The following DLGAP1 variants were observed in gnomAD, a reference collection of about 807,000 sequenced individuals.
DLGAP1 encodes DLG associated protein 1.
Under a neutral mutation model 90.8 loss-of-function variants are expected in DLGAP1, and 11 were observed. The observed-to-expected ratio is 0.12, with a 90% confidence interval of 0.08 to 0.20. DLGAP1 has a LOEUF of 0.20. Among genes scored for constraint, DLGAP1 ranks in the 10% least tolerant of loss-of-function variants. The probability of loss-of-function intolerance (pLI) is 1.00; values close to 1 mark genes in which losing one functional copy is unlikely to be tolerated. For missense variants in DLGAP1, 1,050 were observed against 1,333.8 expected (o/e 0.79, Z 3.31); for synonymous variants, 558 against 540.7 (o/e 1.03, Z -0.44).
intron 1 of DLGAP1, among the ~76,000 whole-genome samples, chr18:4,211,352 A>G (rs1225892322): frequency 6.6e-6 from 1 of 152,204 alleles, no homozygotes; most frequent in African/African-American, 2.4e-5. Context: ...GACCAACATG[A>G]TAGTGTTACT....
chr18:3,867,124 T>C (rs749801402), intron 4 of DLGAP1, among the ~76,000 whole-genome samples: 3 of 152,172 alleles, frequency 2.0e-5, no homozygotes, highest in Admixed American at 1.3e-4. Context: ...AGTGCTGGGA[T>C]TACAGGTGTG....
At chr18:4,108,614 T>G in intron 2 of DLGAP1, among the ~76,000 whole-genome samples, 1 of 145,178 alleles carries the variant, frequency 6.9e-6, no homozygotes, top group Non-Finnish European at 1.5e-5. Flanking sequence ...AATAAATTAT[T>G]TGTATATATG....
At chr18:4,060,366 T>C (rs2075281995) in intron 2 of DLGAP1, among the ~76,000 whole-genome samples, 1 of 152,180 alleles carries the variant, frequency 6.6e-6, no homozygotes. Context: ...TGCTTTAGGG[T>C]AAAAATATAC....
At chr18:3,733,416 T>C (rs1296038323) in intron 6 of DLGAP1, among the ~76,000 whole-genome samples, 1 of 152,318 alleles carries the variant, frequency 6.6e-6, no homozygotes, top group South Asian at 2.1e-4. Context: ...TGATATGTGG[T>C]ATAGTATTCT....
rs973298430 is a variant in DLGAP1, at chr18:3,498,963, G to C, written c.*222C>G. ...GCAGGGCGACGGCATCAGGACAGGGGGCGAAGCTCGGTGAAGAAGGAGATG... is the reference window on the plus strand; with the variant it reads ...GCAGGGCGACGGCATCAGGACAGGGCGCGAAGCTCGGTGAAGAAGGAGATG... On this transcript the variant is annotated 3_prime_UTR_variant, in exon 13 of 13. Coordinates refer to ENST00000315677, the MANE Select transcript of DLGAP1 (RefSeq NM_004746.4). 1.6e-5 allele frequency: 9 copies of C among 558,898 alleles called. No individual in the cohort carries two copies. Among genetic ancestry groups the C allele is most frequent in the Non-Finnish European group, 2.8e-5 (9 of 319,830 alleles). 34.6% of individuals were successfully genotyped at this position (558,898 alleles called of 1,614,324 possible).
chr18:4,200,654 A>G (rs574456849), intron 1 of DLGAP1, among the ~76,000 whole-genome samples: 6 of 152,132 alleles, frequency 3.9e-5, no homozygotes, highest in South Asian at 2.1e-4. Flanking sequence ...AATGGCCAGA[A>G]CTTTCAAAAC....
intron 3 of DLGAP1, among the ~76,000 whole-genome samples, chr18:3,920,309 C>T (rs1302291701): frequency 3.0e-5 from 4 of 132,786 alleles, no homozygotes; most frequent in African/African-American, 8.3e-5. Context: ...GCAGAGATTG[C>T]GGCACTATAC....
At chr18:4,355,015 A>G (rs2081478667) in intron 1 of DLGAP1, among the ~76,000 whole-genome samples, 1 of 151,812 alleles carries the variant, frequency 6.6e-6, no homozygotes, top group South Asian at 2.1e-4. Context: ...GGTCATTCAC[A>G]CATTGCTAGC....
chr18:4,174,239 G>C (rs1474378418), intron 1 of DLGAP1, among the ~76,000 whole-genome samples: 1 of 152,164 alleles, frequency 6.6e-6, no homozygotes. Context: ...CTTCCCATCT[G>C]TGGTAGAATT....
chr18:3,826,621 G>C (rs2067727983), intron 4 of DLGAP1, among the ~76,000 whole-genome samples: 1 of 152,156 alleles, frequency 6.6e-6, no homozygotes, highest in South Asian at 2.1e-4. Context: ...TGGAGTGAGA[G>C]GTGGCAGAAG....
chr18:3,977,434 G>GTGTTTTTTTT (rs1555718019), intron 3 of DLGAP1, among the ~76,000 whole-genome samples: 10 of 95,326 alleles, frequency 1.0e-4, no homozygotes, highest in African/African-American at 3.8e-4. Flanking sequence ...TTTATTCTGT[G>GTGTTTTTTTT]TTTTTTTTTT....
At chr18:4,223,083 C>T (rs1228216879) in intron 1 of DLGAP1, among the ~76,000 whole-genome samples, 1 of 151,936 alleles carries the variant, frequency 6.6e-6, no homozygotes, top group African/African-American at 2.4e-5. Flanking sequence ...TAGCAAGACC[C>T]CTGTCTCTCT....
At chr18:3,698,969 C>T (rs1429245311) in intron 7 of DLGAP1, among the ~76,000 whole-genome samples, 2 of 152,024 alleles carry the variant, frequency 1.3e-5, no homozygotes, top group Non-Finnish European at 2.9e-5. Flanking sequence ...ACGAAGTCCT[C>T]GTGCTGTGTT....
chr18:4,205,666 C>G (rs766805468), intron 1 of DLGAP1, among the ~76,000 whole-genome samples: 1 of 152,096 alleles, frequency 6.6e-6, no homozygotes, highest in Non-Finnish European at 1.5e-5. Context: ...CCTTAAATGT[C>G]AATGAAAAAT....
At chr18:3,700,069 GTGGGA>G (rs1177682240) in intron 7 of DLGAP1, among the ~76,000 whole-genome samples, 1 of 152,164 alleles carries the variant, frequency 6.6e-6, no homozygotes, top group Admixed American at 6.5e-5. Flanking sequence ...CTCTCTGGGG[GTGGGA>G]TCCGCTGAGC....
intron 7 of DLGAP1, among the ~76,000 whole-genome samples, chr18:3,665,580 AT>A (rs1166940216): frequency 2.0e-5 from 3 of 152,212 alleles, no homozygotes; most frequent in Admixed American, 6.5e-5. Flanking sequence ...AATTTAAAAA[AT>A]ATTTTGTTTT....
intron 3 of DLGAP1, among the ~76,000 whole-genome samples, chr18:3,923,611 G>GT (rs1448063682): frequency 1.3e-5 from 2 of 151,948 alleles, no homozygotes; most frequent in African/African-American, 4.8e-5. Context: ...GTTTATAAAA[G>GT]TTTTCCCAAC....
intron 4 of DLGAP1, among the ~76,000 whole-genome samples, chr18:3,856,739 T>C (rs892482196): frequency 6.6e-6 from 1 of 151,878 alleles, no homozygotes; most frequent in African/African-American, 2.4e-5. Flanking sequence ...CAGGCAGCTG[T>C]AGTCCCAGCT....
intron 4 of DLGAP1, chr18:3,845,381 A>G: frequency 6.9e-6 from 10 of 1,455,374 alleles, no homozygotes; most frequent in East Asian, 2.5e-5. Flanking sequence ...CAGTAAACAC[A>G]GGACTTGGGG....
Sources: allele counts gnomAD v4.1 joint callset (sites outside exome capture counted in the v4.1 genomes callset), GRCh38; gene constraint gnomAD v4.1.1; transcripts MANE v1.5; gene names NCBI Gene and HGNC (gene_info 2026-07-23, HGNC 2026-07-21).